The following SPATA16 variants were observed in gnomAD, a reference collection of about 807,000 sequenced individuals.
SPATA16 encodes spermatogenesis associated 16.
Under a neutral mutation model 63.3 loss-of-function variants are expected in SPATA16, and 36 were observed. That is an observed-to-expected ratio of 0.57 (90% CI 0.44 to 0.75). The LOEUF (loss-of-function observed/expected upper bound fraction) is 0.75. SPATA16 is among the 30% of genes least tolerant of loss of function. The pLI is 0.00. For missense variants in SPATA16, 646 were observed against 679.3 expected (o/e 0.95, Z 0.54); for synonymous variants, 203 against 216.7 (o/e 0.94, Z 0.56).
At chr3:172,907,317 C>A (rs908500631) in intron 10 of SPATA16, among the ~76,000 whole-genome samples, 3 of 152,176 alleles carry the variant, frequency 2.0e-5, no homozygotes, top group African/African-American at 7.2e-5. Context: ...GATCACTTCT[C>A]ACCTCCACTC....
intron 1 of SPATA16, among the ~76,000 whole-genome samples, chr3:173,120,162 G>A (rs568284365): frequency 1.3e-5 from 2 of 151,950 alleles, no homozygotes; most frequent in Non-Finnish European, 2.9e-5. Flanking sequence ...TGCTAATGTG[G>A]CTACTCATTA....
intron 3 of SPATA16, among the ~76,000 whole-genome samples, chr3:173,038,899 G>A (rs543211852): frequency 6.6e-6 from 1 of 152,236 alleles, no homozygotes; most frequent in South Asian, 2.1e-4. Context: ...GGAAGATATT[G>A]TCATGATCTT....
chr3:172,920,553 G>C (rs142367948), intron 8 of SPATA16, among the ~76,000 whole-genome samples: 1 of 152,298 alleles, frequency 6.6e-6, no homozygotes, highest in East Asian at 1.9e-4. Flanking sequence ...TATGTAATTT[G>C]TGGAGAACAA....
In SPATA16 at chr3:172,964,988, A is replaced by G. The variant is rs184829259; in HGVS notation, c.934-8164T>C. 1.4e-3 allele frequency among the ~76,000 whole-genome samples: 218 copies of G among 152,322 alleles called. 2 individuals are homozygous for G. The highest frequency in any genetic ancestry group is 5.1e-3 in the African/African-American group (214 of 41,584). ...ACTAACTTTCTGTCATCAGGTAGCA[A>G]CGTGTTCTCAGATTCTCTCTATGCA... On this transcript the variant is annotated intron_variant, in intron 5 of 10. Coordinates refer to ENST00000351008, the MANE Select transcript of SPATA16 (RefSeq NM_031955.6).
intron 5 of SPATA16, among the ~76,000 whole-genome samples, chr3:172,976,436 T>C (rs1178784138): frequency 1.3e-5 from 2 of 152,152 alleles, no homozygotes; most frequent in East Asian, 1.9e-4. Context: ...TAAGAAATTA[T>C]GAATTTCTTC....
chr3:172,937,891 C>T (rs147799629), intron 6 of SPATA16, among the ~76,000 whole-genome samples: 12 of 152,244 alleles, frequency 7.9e-5, no homozygotes, highest in Admixed American at 3.3e-4. Context: ...TCCAGACAGA[C>T]AGCAAGTTAT....
At chr3:172,938,035 A>G (rs1402872414) in intron 6 of SPATA16, among the ~76,000 whole-genome samples, 3 of 152,202 alleles carry the variant, frequency 2.0e-5, no homozygotes, top group African/African-American at 7.2e-5. Flanking sequence ...GATATGTTTC[A>G]TATGCAAGCC....
intron 6 of SPATA16, among the ~76,000 whole-genome samples, chr3:172,946,771 C>T (rs1448582792): frequency 1.3e-5 from 2 of 152,070 alleles, no homozygotes; most frequent in African/African-American, 4.8e-5. Flanking sequence ...GGGAACTCAC[C>T]ACCCTGAAGG....
At chr3:172,987,574 A>G (rs997241698) in intron 4 of SPATA16, among the ~76,000 whole-genome samples, 1 of 152,198 alleles carries the variant, frequency 6.6e-6, no homozygotes, top group African/African-American at 2.4e-5. Context: ...GTTTTGTGGG[A>G]TCAAAGGAAA....
intron 2 of SPATA16, among the ~76,000 whole-genome samples, chr3:173,057,198 G>A (rs1169767213): frequency 6.7e-6 from 1 of 150,022 alleles, no homozygotes; most frequent in Non-Finnish European, 1.5e-5. Flanking sequence ...TGCAAGCTCC[G>A]CCTCCCGGAT....
At chr3:173,052,292 A>C (rs1736118743) in intron 2 of SPATA16, among the ~76,000 whole-genome samples, 1 of 152,150 alleles carries the variant, frequency 6.6e-6, no homozygotes, top group Non-Finnish European at 1.5e-5. Context: ...CAAGAAAAGA[A>C]ATAAAAATGA....
At chr3:173,115,791 A>G (rs1737880417) in intron 2 of SPATA16, among the ~76,000 whole-genome samples, 1 of 152,188 alleles carries the variant, frequency 6.6e-6, no homozygotes, top group Non-Finnish European at 1.5e-5. Context: ...CAATGAAAAT[A>G]ATACTTTACT....
Position 172,889,682 on chromosome 3 carries a change from A to G in SPATA16, c.1598T>C (p.Ile533Thr), listed in dbSNP as rs969923269. ...CTCTAATTGGTATAGAAAATCTTCA[A>G]TTTGTCCAACCTAGAAGAAATAAAC... The part of the protein sequence containing the change: ...VWNMIQKVGQ[I>T]EDFLYQLEDS... The change falls in exon 11 of 11, where the codon ATT becomes ACT. Residue 533 changes from isoleucine to threonine, a missense_variant. Physicochemically the swap from Ile to Thr is moderately conservative, Grantham distance 89. Transcript: ENST00000351008. 4.3e-6 allele frequency: 7 copies of G among 1,613,244 alleles called. No individual in the cohort carries two copies. Among genetic ancestry groups the G allele is most frequent in the African/African-American group, 1.3e-5 (1 of 75,016 alleles).
chr3:173,066,127 C>G (rs1053295246), intron 2 of SPATA16, among the ~76,000 whole-genome samples: 44 of 152,178 alleles, frequency 2.9e-4, no homozygotes, highest in African/African-American at 1.1e-3. Flanking sequence ...GATACCAGCT[C>G]AGCCACAGTA....
intron 5 of SPATA16, among the ~76,000 whole-genome samples, chr3:172,958,356 G>C (rs537608906): frequency 6.6e-6 from 1 of 152,242 alleles, no homozygotes; most frequent in East Asian, 1.9e-4. Context: ...TAGCCCTTCA[G>C]GAAAAATGAA....
intron 5 of SPATA16, among the ~76,000 whole-genome samples, chr3:172,974,851 C>G (rs1734118722): frequency 6.6e-6 from 1 of 152,002 alleles, no homozygotes; most frequent in South Asian, 2.1e-4. Flanking sequence ...ACTAACTTGC[C>G]CTAAGTTCAA....
chr3:173,075,063 G>A (rs767751930), intron 2 of SPATA16, among the ~76,000 whole-genome samples: 44 of 150,270 alleles, frequency 2.9e-4, no homozygotes, highest in Non-Finnish European at 5.9e-4. Context: ...ATGCTATTTG[G>A]ATGATGAGAT....
intron 4 of SPATA16, among the ~76,000 whole-genome samples, chr3:172,989,096 T>C (rs1423549151): frequency 6.6e-6 from 1 of 152,182 alleles, no homozygotes; most frequent in Non-Finnish European, 1.5e-5. Context: ...ATCTTCTTTC[T>C]TTCCAATGTG....
chr3:172,938,653 G>T (rs1004663062), intron 6 of SPATA16, among the ~76,000 whole-genome samples: 4 of 152,052 alleles, frequency 2.6e-5, no homozygotes, highest in African/African-American at 4.8e-5. Context: ...AAAGTTTCAG[G>T]CACCTAGGTA....
Sources: gnomAD v4.1 joint callset for allele counts (sites outside exome capture counted in the v4.1 genomes callset) on GRCh38, gnomAD v4.1.1 for gene constraint, MANE v1.5 for transcripts, NCBI Gene and HGNC (gene_info 2026-07-23, HGNC 2026-07-21) for gene names.